The following KCNAB3 variants were observed in gnomAD, a reference collection of about 807,000 sequenced individuals.
KCNAB3 encodes the protein voltage-gated potassium channel subunit beta-3.
KCNAB3 carries 62 observed loss-of-function variants against 67.7 expected under a neutral mutation model. The ratio of observed to expected loss-of-function variants is 0.92; its 90% CI spans 0.75 to 1.13. KCNAB3 has a LOEUF of 1.13. KCNAB3 is among the 50% of genes most tolerant of loss of function. KCNAB3 has a pLI of 0.00. For missense variants in KCNAB3, 514 were observed against 522.9 expected (o/e 0.98, Z 0.17); for synonymous variants, 212 against 205.4 (o/e 1.03, Z -0.27).
In KCNAB3 at chr17:7,923,975, G is replaced by A; in HGVS notation, c.920C>T (p.Ser307Phe). 6.8e-6 allele frequency: 11 copies of A among 1,613,306 alleles called. No individual in the cohort carries two copies. The highest frequency in any genetic ancestry group is 9.3e-6 in the Non-Finnish European group (11 of 1,179,828). ...DGRVPDTCRA[S>F]IKGYQWLKDK... The stretch of plus-strand genomic sequence containing the variant: ...AGAGCCCCCAGATCTCACCTTGATG[G>A]AGGCCCTGCAAGTATCTGGGACTCG... The change falls in exon 11 of 14, where the codon TCC (serine) becomes TTC (phenylalanine). Residue 307 changes from serine (S) to phenylalanine (F), a missense_variant. Coordinates refer to ENST00000303790, the MANE Select transcript of KCNAB3 (RefSeq NM_004732.4).
chr17:7,924,348 T>G (rs1168711514), intron 9 of KCNAB3, 67 bp downstream of exon 9: 4 of 1,609,008 alleles, frequency 2.5e-6, no homozygotes, highest in Non-Finnish European at 3.4e-6. Context: ...GCAGTGGGCT[T>G]TGGAGTAACC....
Position 7,929,757 on chromosome 17 carries a change from A to C in KCNAB3, c.-322T>G. 1.7e-6 allele frequency: 2 copies of C among 1,197,972 alleles called. No individual in the cohort carries two copies. The highest frequency in any genetic ancestry group is 5.5e-5 in the East Asian group (1 of 18,156). 74.2% of individuals were successfully genotyped at this position (1,197,972 alleles called of 1,614,324 possible). A position where few individuals can be genotyped will look rare whatever the true frequency, so the allele number is the denominator to read the frequency against. On this transcript the variant is annotated 5_prime_UTR_variant, in exon 1 of 14. Coordinates refer to ENST00000303790, the MANE Select transcript of KCNAB3 (RefSeq NM_004732.4). This position sits in a 1 kb window ranked among gnomAD's most constrained non-coding sequence, Gnocchi z 5.7. ...GATGAGGTAAAGGTCTCGGAGGATA[A>C]GGACCCAGGGGGAAGCGGGGCGGGA...
At chr17:7,923,877 C>G in intron 11 of KCNAB3, 46 bp from the exon 12 acceptor site, 1 of 1,562,392 alleles carries the variant, frequency 6.4e-7, no homozygotes. Context: ...ATCACCACCA[C>G]CACCACCACA....
At chr17:7,928,167 C>T (rs1488044129) in intron 1 of KCNAB3, 2 of 426,122 alleles carry the variant, frequency 4.7e-6, no homozygotes, top group East Asian at 8.6e-5. Flanking sequence ...CAGTGAGGGG[C>T]TGGGAGGAAT....
At chr17:7,925,047 G>A in intron 8 of KCNAB3, 50 bp downstream of exon 8, 9 of 1,531,888 alleles carry the variant, frequency 5.9e-6, no homozygotes, top group Non-Finnish European at 8.1e-6. Flanking sequence ...CACCCAGCAA[G>A]GAAGTGCTCA....
Position 7,925,680 on chromosome 17 carries a change from C to T in KCNAB3, c.538+3G>A. ...CTTTGGGTTTCCAGCCCCTAACTCT[C>T]ACCCTCAATGATGTGCTTTCGGCTT... On this transcript the variant is annotated splice_donor_region_variant and intron_variant, in intron 7 of 13. Transcript: ENST00000303790. 3 of 1,614,118 alleles carry T rather than the reference C, an allele frequency of 1.9e-6. No homozygotes were observed. Among genetic ancestry groups the T allele is most frequent in the Non-Finnish European group, 2.5e-6 (3 of 1,180,000 alleles).
rs372497679 is a variant in KCNAB3, at chr17:7,925,082, G to A, written c.625+15C>T. ...AGTTTTGAAGGACTGTAAGGTTTGGGGGTGCTGCTTTTACCCTCCATAGGA... is the reference window on the plus strand; with the variant it reads ...AGTTTTGAAGGACTGTAAGGTTTGGAGGTGCTGCTTTTACCCTCCATAGGA... On this transcript the variant is annotated intron_variant, in intron 8 of 13. Transcript: ENST00000303790. 2.5e-6 allele frequency: 4 copies of A among 1,610,988 alleles called. No individual in the cohort carries two copies. The highest frequency in any genetic ancestry group is 3.4e-6 in the Non-Finnish European group (4 of 1,177,426).
At chr17:7,928,963 C>T (rs981922401) in intron 1 of KCNAB3, 6 of 632,742 alleles carry the variant, frequency 9.5e-6, no homozygotes, top group Non-Finnish European at 1.3e-5. Flanking sequence ...GGGGCATCCC[C>T]TGGGTCTGAC....
intron 1 of KCNAB3, 122 bp from the exon 2 acceptor site, chr17:7,927,948 A>G: frequency 1.7e-6 from 2 of 1,172,492 alleles, no homozygotes; most frequent in Non-Finnish European, 2.5e-6. Flanking sequence ...AAGAAATTAG[A>G]CCCAGTGGGC....
Position 7,925,159 on chromosome 17 carries a change from A to C in KCNAB3, c.563T>G (p.Leu188Arg). The C allele has an allele frequency of 6.2e-7, 1 of 1,613,702 alleles. No individual in the cohort carries two copies. Among genetic ancestry groups the C allele is most frequent in the Non-Finnish European group, 8.5e-7 (1 of 1,179,752 alleles). Residue 188 changes from leucine to arginine, a missense_variant, in exon 8 of 14, where the codon CTC becomes CGC. Leu to Arg is a moderately radical substitution (Grantham distance 102). Transcript: ENST00000303790. ...GACAATGTCCACGTATCCCAGCTGG[A>C]GGCGTTCCAGGGATCCTCGCAAGCC... ...IEGLRGSLER[L>R]QLGYVDIVFA...
At position 7,929,125 on chromosome 17, in the gene KCNAB3, C is replaced by T; in HGVS notation, c.242+69G>A. The T allele has an allele frequency of 6.3e-7, 1 of 1,575,348 alleles. No homozygotes were observed. ...GTGAAGTTTGAAGGGGTCTTGGCGGCCATCTCAAGCAGTCTCAGGGGTCCC... is the reference window on the plus strand; with the variant it reads ...GTGAAGTTTGAAGGGGTCTTGGCGGTCATCTCAAGCAGTCTCAGGGGTCCC... On this transcript the variant is annotated intron_variant, in intron 1 of 13. Transcript: ENST00000303790. The surrounding 1 kb of genome is among the most constrained non-coding windows in gnomAD (Gnocchi z 5.7).
In KCNAB3 at chr17:7,929,564, G is replaced by A; in HGVS notation, c.-129C>T. On this transcript the variant is annotated 5_prime_UTR_variant, in exon 1 of 14. Transcript: ENST00000303790. The surrounding 1 kb of genome is among the most constrained non-coding windows in gnomAD (Gnocchi z 5.7). ...GAGCGGGAAGGCTGAGGAGGCTGCG[G>A]CGGGAGCCGCCAGGCAGGATCGGGC... 4.1e-6 allele frequency: 6 copies of A among 1,465,622 alleles called. No homozygotes were observed. The highest frequency in any genetic ancestry group is 5.4e-6 in the Non-Finnish European group (6 of 1,116,272). The allele number at this position is 1,465,622 out of a possible 1,614,324, so 90.8% of individuals were successfully genotyped here.
At position 7,929,160 on chromosome 17, in the gene KCNAB3, G is replaced by A; in HGVS notation, c.242+34C>T. ...CAGTCTCAGGGGTCCCGAAAGGAAA[G>A]CGGAAGGGGTGGGCTGCCCGGCCAC... On this transcript the variant is annotated intron_variant, in intron 1 of 13. Transcript: ENST00000303790. This position sits in a 1 kb window ranked among gnomAD's most constrained non-coding sequence, Gnocchi z 5.7. 6.2e-7 allele frequency: 1 copy of A among 1,608,158 alleles called. No individual in the cohort carries two copies. Among genetic ancestry groups the A allele is most frequent in the Admixed American group, 1.7e-5 (1 of 58,508 alleles).
chr17:7,923,978 G>A lies in KCNAB3; in HGVS notation c.917C>T (p.Ala306Val). The change falls in exon 11 of 14, where the codon GCC becomes GTC. Residue 306 changes from alanine (A) to valine (V), a missense_variant. Coordinates refer to ENST00000303790, the MANE Select transcript of KCNAB3 (RefSeq NM_004732.4). ...YDGRVPDTCR[A>V]SIKGYQWLKD... ...GCCCCCAGATCTCACCTTGATGGAG[G>A]CCCTGCAAGTATCTGGGACTCGCCC... The A allele has an allele frequency of 6.2e-7, 1 of 1,613,282 alleles. No homozygotes were observed. Among genetic ancestry groups the A allele is most frequent in the Non-Finnish European group, 8.5e-7 (1 of 1,179,806 alleles).
chr17:7,929,829 C>CT lies in KCNAB3; in HGVS notation c.-395_-394insA. ...AACCGCTGCGGGACCCGCTGGGCTC[C>CT]CAGCCGCGTCGGCAGCGGGCCCAGC... On this transcript the variant is annotated 5_prime_UTR_variant, in exon 1 of 14. Transcript: ENST00000303790. This position sits in a 1 kb window ranked among gnomAD's most constrained non-coding sequence, Gnocchi z 5.7. 10 of 990,494 alleles carry CT rather than the reference C, an allele frequency of 1.0e-5. No homozygotes were observed. Among genetic ancestry groups the CT allele is most frequent in the Admixed American group, 7.7e-5 (1 of 12,990 alleles). The allele number at this position is 990,494 out of a possible 1,614,324, so 61.4% of individuals were successfully genotyped here.
At chr17:7,923,326 TG>T in intron 13 of KCNAB3, 129 bp downstream of exon 13, 1 of 1,246,890 alleles carries the variant, frequency 8.0e-7, no homozygotes, top group Non-Finnish European at 1.2e-6. Flanking sequence ...TTTCCGGCCC[TG>T]GGACCTCTCA....
intron 3 of KCNAB3, 95 bp downstream of exon 3, chr17:7,927,562 C>A (rs1162766079): frequency 4.5e-6 from 7 of 1,548,692 alleles, no homozygotes; most frequent in Non-Finnish European, 6.2e-6. Flanking sequence ...CCCTCATTCC[C>A]TGTGCTTGTT....
At position 7,929,665 on chromosome 17, in the gene KCNAB3, A is replaced by C; in HGVS notation, c.-230T>G. 7.2e-7 allele frequency: 1 copy of C among 1,397,888 alleles called. No individual in the cohort carries two copies. Among genetic ancestry groups the C allele is most frequent in the Non-Finnish European group, 9.3e-7 (1 of 1,080,868 alleles). 86.6% of individuals were successfully genotyped at this position (1,397,888 alleles called of 1,614,324 possible). On this transcript the variant is annotated 5_prime_UTR_variant, in exon 1 of 14. Coordinates refer to ENST00000303790, the MANE Select transcript of KCNAB3 (RefSeq NM_004732.4). The surrounding 1 kb of genome is among the most constrained non-coding windows in gnomAD (Gnocchi z 5.7). ...AACGTGGGGGGCGCCAGGAGTGGAG[A>C]TATTCAGTTACGGGGGACACAGGAG...
Position 7,923,911 on chromosome 17 carries a change from T to TC in KCNAB3, c.927+56dup, listed in dbSNP as rs1412863135. On this transcript the variant is annotated intron_variant, in intron 11 of 13. Coordinates refer to ENST00000303790, the MANE Select transcript of KCNAB3 (RefSeq NM_004732.4). ...CACTCACAAAGCAGCCCCCCGTAAC[T>TC]CCCCCCAAAGCAGCCCATATAGCCC... 4.8e-6 allele frequency: 7 copies of TC among 1,444,960 alleles called. No homozygotes were observed. In the African/African-American group the frequency reaches 9.8e-5, roughly 20 times the overall value. The allele number at this position is 1,444,960 out of a possible 1,614,324, so 89.5% of individuals were successfully genotyped here.
Sources: allele counts gnomAD v4.1 joint callset, GRCh38; gene constraint gnomAD v4.1.1; non-coding constraint Gnocchi (gnomAD v3.1); transcripts MANE v1.5; gene names NCBI Gene and HGNC (gene_info 2026-07-23, HGNC 2026-07-21).